Variants in TREH observed in about 807,000 individuals in gnomAD.
The protein encoded by TREH is trehalase.
Under a neutral mutation model 80.5 loss-of-function variants are expected in TREH, and 69 were observed. The ratio of observed to expected loss-of-function variants is 0.86; its 90% CI spans 0.71 to 1.05. The LOEUF (loss-of-function observed/expected upper bound fraction) is 1.05. TREH is among the 50% of genes least tolerant of loss of function. The pLI, the probability that TREH is intolerant of heterozygous loss-of-function variation, is 0.00. For missense variants in TREH, 716 were observed against 718.8 expected, an observed-to-expected ratio of 1.00 and a Z score of 0.04; for synonymous variants, 309 against 293.5, an observed-to-expected ratio of 1.05 and a Z score of -0.54.
intron 1 of TREH, among the ~76,000 whole-genome samples, chr11:118,665,648 C>CAAAAAAAGAAAAGAAA (rs1949370729): frequency 6.6e-6 from 1 of 151,724 alleles, no homozygotes; most frequent in African/African-American, 2.4e-5. Flanking sequence ...TCAAAAAAAA[C>CAAAAAAAGAAAAGAAA]AAAAAAAGAA....
At position 118,663,126 on chromosome 11, in the gene TREH, C is replaced by G. The variant is rs1555145307; in HGVS notation, c.261G>C (p.Gln87His). Residue 87 changes from glutamine (Q) to histidine (H), a missense_variant, in exon 3 of 15, where the codon CAG (glutamine) becomes CAC (histidine). Transcript: ENST00000264029. ...HNHSIPREQL[Q>H]AFVHEHFQAK... is the part of the protein sequence containing the mutation. Reference sequence around the variant, plus strand: ...CCTGGAAGTGTTCGTGGACAAACGCCTGCAGCTGCTCCCTGGGGATGCTGT... The same window carrying G: ...CCTGGAAGTGTTCGTGGACAAACGCGTGCAGCTGCTCCCTGGGGATGCTGT... 6.2e-7 allele frequency: 1 copy of G among 1,613,986 alleles called. No homozygotes were observed. Among genetic ancestry groups the G allele is most frequent in the African/African-American group, 1.3e-5 (1 of 75,036 alleles).
intron 4 of TREH, 67 bp downstream of exon 4, chr11:118,662,814 G>A: frequency 6.6e-7 from 1 of 1,520,330 alleles, no homozygotes; most frequent in Non-Finnish European, 8.9e-7. Flanking sequence ...AGACACTGTG[G>A]GCCCCAGGCA....
chr11:118,674,203 C>A lies in TREH; in HGVS notation c.89+5336G>T, dbSNP rs1304538490. On this transcript the variant is annotated intron_variant, in intron 1 of 14. Transcript: ENST00000264029. This position sits in a 1 kb window ranked among gnomAD's most constrained non-coding sequence, Gnocchi z 4.4. ...TCATAGGGGCAATTTCAAATAATGT[C>A]TGATAGCAAGCTAATAATTACCTCT... Among the ~76,000 whole-genome samples the A allele has an allele frequency of 6.6e-6, 1 of 152,212 alleles. No individual in the cohort carries two copies.
At chr11:118,662,541 G>A (rs1555145180) in intron 4 of TREH, among the ~76,000 whole-genome samples, 2 of 152,250 alleles carry the variant, frequency 1.3e-5, no homozygotes, top group Non-Finnish European at 2.9e-5. Flanking sequence ...ACGGAGGCCT[G>A]GCCCAGGAGC....
rs10790256 is a variant in TREH, at chr11:118,663,373, C to T, written c.156G>A (p.Lys52=). 353,743 of 1,595,466 alleles carry T rather than the reference C, an allele frequency of 0.22. 41,336 individuals carry two copies. Among genetic ancestry groups the T allele is most frequent in the South Asian group, 0.34 (29,489 of 87,286 alleles). ...TAGACAGTGGCATGTCCACAAACTG[C>T]TTGTCATCCTGGTAGAGCTTGGCCA... is the stretch of plus-strand genomic sequence containing the variant. ...VQMAKLYQDD[K]QFVDMPLSIA... is the part of the protein sequence containing the mutation. The change falls in exon 2 of 15, where the codon AAG becomes AAA. Residue 52 remains lysine, a synonymous_variant. Coordinates refer to ENST00000264029, the MANE Select transcript of TREH (RefSeq NM_007180.3).
intron 1 of TREH, among the ~76,000 whole-genome samples, chr11:118,666,947 ATCTCAGC>A (rs1591833442): frequency 6.6e-6 from 1 of 151,900 alleles, no homozygotes; most frequent in Non-Finnish European, 1.5e-5. Context: ...CAATGGCATG[ATCTCAGC>A]TCACCGCAAC....
intron 13 of TREH, 36 bp downstream of exon 13, chr11:118,658,869 A>T: frequency 6.2e-7 from 1 of 1,611,792 alleles, no homozygotes; most frequent in East Asian, 2.2e-5. Context: ...CCACTGGGAC[A>T]GCCTGGGGGT....
intron 12 of TREH, 128 bp from the exon 13 acceptor site, chr11:118,659,145 G>T: frequency 9.6e-7 from 1 of 1,039,746 alleles, no homozygotes; most frequent in Non-Finnish European, 1.4e-6. Flanking sequence ...GAGACCACAG[G>T]CCAAACTGCC....
In TREH at chr11:118,660,872, G is replaced by A; in HGVS notation, c.901C>T (p.Pro301Ser). The change falls in exon 9 of 15, where the codon CCA becomes TCA. Residue 301 changes from proline to serine, a missense_variant. Pro to Ser is a moderately conservative substitution (Grantham distance 74, BLOSUM62 -1). Transcript: ENST00000264029. ...SKDVELADTL[P>S]EGDREALWAE... ...TCACCCTCCTGCTGCTCACCTTCTG[G>A]CAAGGTGTCAGCCAACTCCACATCT... is the stretch of plus-strand genomic sequence containing the variant. 1 of 1,568,484 alleles carries A rather than the reference G, an allele frequency of 6.4e-7. No homozygotes were observed. The highest frequency in any genetic ancestry group is 1.2e-5 in the South Asian group (1 of 85,124).
At position 118,674,364 on chromosome 11, in the gene TREH, T is replaced by C. The variant is rs1369836686; in HGVS notation, c.89+5175A>G. ...ACTTGGGCAATCTTATTGGTTCCCA[T>C]TTGGAATGTCTAATCAATATTGCTT... On this transcript the variant is annotated intron_variant, in intron 1 of 14. Transcript: ENST00000264029. The surrounding 1 kb of genome is among the most constrained non-coding windows in gnomAD (Gnocchi z 4.4). 6.6e-6 allele frequency among the ~76,000 whole-genome samples: 1 copy of C among 152,226 alleles called. No homozygotes were observed. The highest frequency in any genetic ancestry group is 1.5e-5 in the Non-Finnish European group (1 of 68,028).
intron 1 of TREH, among the ~76,000 whole-genome samples, chr11:118,675,229 A>G (rs960342796): frequency 6.6e-6 from 1 of 152,142 alleles, no homozygotes; most frequent in Non-Finnish European, 1.5e-5. Context: ...CCCAACCCAT[A>G]TGTTTCAGTG....
In TREH at chr11:118,679,628, G is replaced by T; in HGVS notation, c.-1C>A. The T allele has an allele frequency of 6.6e-7, 1 of 1,513,860 alleles. No individual in the cohort carries two copies. The highest frequency in any genetic ancestry group is 8.9e-7 in the Non-Finnish European group (1 of 1,126,522). 93.8% of individuals were successfully genotyped at this position (1,513,860 alleles called of 1,614,324 possible). ...ACAGCTCCCAGGTCCTCCCTGGCAT[G>T]GTGGCTGTGACTGTGACTGAATGAG... On this transcript the variant is annotated 5_prime_UTR_variant, in exon 1 of 15. Transcript: ENST00000264029.
intron 1 of TREH, 147 bp downstream of exon 1, chr11:118,679,392 G>T: frequency 9.2e-7 from 1 of 1,092,176 alleles, no homozygotes; most frequent in Non-Finnish European, 1.2e-6. Flanking sequence ...CTGCTACATA[G>T]GAATTCTCAT....
chr11:118,668,277 AG>A (rs55868038), intron 1 of TREH, among the ~76,000 whole-genome samples: 151,753 of 151,754 alleles, frequency 1, 75,876 homozygotes, highest in Non-Finnish European at 1. Context: ...TACCAAAACC[AG>A]GATGAAGACA....
Position 118,658,053 on chromosome 11 carries a change from T to C in TREH, c.*236A>G. 1 of 567,464 alleles carries C rather than the reference T, an allele frequency of 1.8e-6. No homozygotes were observed. The highest frequency in any genetic ancestry group is 3.1e-6 in the Non-Finnish European group (1 of 322,998). 35.2% of individuals were successfully genotyped at this position (567,464 alleles called of 1,614,324 possible). A position where few individuals can be genotyped will look rare whatever the true frequency, so the allele number is the denominator to read the frequency against. On this transcript the variant is annotated 3_prime_UTR_variant, in exon 15 of 15. Coordinates refer to ENST00000264029, the MANE Select transcript of TREH (RefSeq NM_007180.3). ...AGTGAGTGGAAGGCCGGTGTGGGGCTTGGCGCTGAGGCACTTGGGGATAGG... is the reference window on the plus strand; with the variant it reads ...AGTGAGTGGAAGGCCGGTGTGGGGCCTGGCGCTGAGGCACTTGGGGATAGG...
chr11:118,659,395 G>A lies in TREH; in HGVS notation c.1407C>T (p.Ala469=), dbSNP rs1267402495. 2 of 1,596,770 alleles carry A rather than the reference G, an allele frequency of 1.3e-6. No individual in the cohort carries two copies. The highest frequency in any genetic ancestry group is 1.7e-5 in the Admixed American group (1 of 58,240). The change falls in exon 12 of 15, where the codon GCC becomes GCT. Residue 469 remains alanine, a synonymous_variant. Coordinates refer to ENST00000264029, the MANE Select transcript of TREH (RefSeq NM_007180.3). ...GQQWDFPNAW[A]PLQDLVIRGL... is the part of the protein sequence containing the mutation. ...CTCTGATGACCAGGTCCTGCAGGGGGGCCCAGGCATTGGGGAAATCCCACT... is the reference window on the plus strand; with the variant it reads ...CTCTGATGACCAGGTCCTGCAGGGGAGCCCAGGCATTGGGGAAATCCCACT...
intron 1 of TREH, 66 bp from the exon 2 acceptor site, chr11:118,663,505 C>G (rs1555145427): frequency 7.5e-7 from 1 of 1,335,656 alleles, no homozygotes; most frequent in Non-Finnish European, 1.0e-6. Flanking sequence ...GAAGAGAAGG[C>G]TAGAGTCTGT....
In TREH at chr11:118,663,043, G is replaced by A. The variant is rs905886043; in HGVS notation, c.335+9C>T. On this transcript the variant is annotated intron_variant, in intron 3 of 14. Coordinates refer to ENST00000264029, the MANE Select transcript of TREH (RefSeq NM_007180.3). Reference sequence around the variant, plus strand: ...GGAACCCTCTCTTGTTCCCCTTCCAGAGTCATACCTGTCTTTCCAGTCTGC... The same window carrying A: ...GGAACCCTCTCTTGTTCCCCTTCCAAAGTCATACCTGTCTTTCCAGTCTGC... The A allele has an allele frequency of 3.1e-6, 5 of 1,612,940 alleles. No individual in the cohort carries two copies. Among genetic ancestry groups the A allele is most frequent in the Admixed American group, 3.3e-5 (2 of 59,944 alleles).
chr11:118,664,332 T>C lies in TREH; in HGVS notation c.90-893A>G, dbSNP rs138212781. 2.1e-3 allele frequency among the ~76,000 whole-genome samples: 321 copies of C among 152,326 alleles called. 1 individual carries two copies. Among genetic ancestry groups the C allele is most frequent in the African/African-American group, 7.3e-3 (303 of 41,570 alleles). ...GAACAAATCACCTCAGTGGACTGAATTGCATGCTGTTTTCCTTGCAGTGAT... is the reference window on the plus strand; with the variant it reads ...GAACAAATCACCTCAGTGGACTGAACTGCATGCTGTTTTCCTTGCAGTGAT... On this transcript the variant is annotated intron_variant, in intron 1 of 14. Transcript: ENST00000264029.
Sources: allele counts gnomAD v4.1 joint callset (sites outside exome capture counted in the v4.1 genomes callset), GRCh38; gene constraint gnomAD v4.1.1; non-coding constraint Gnocchi (gnomAD v3.1); transcripts MANE v1.5; gene names NCBI Gene and HGNC (gene_info 2026-07-23, HGNC 2026-07-21).